The following GTF2IRD1 variants were observed in gnomAD, a reference collection of about 807,000 sequenced individuals.
GTF2IRD1 encodes GTF2I repeat domain containing 1, also known as general transcription factor II-I repeat domain-containing protein 1.
A neutral mutation model predicts 113.2 loss-of-function variants in GTF2IRD1; 26 were observed. The observed-to-expected ratio is 0.23, with a 90% CI of 0.17 to 0.32. The LOEUF (loss-of-function observed/expected upper bound fraction) is 0.32, where lower values mean the gene tolerates loss of function less well. Among genes scored for constraint, GTF2IRD1 ranks in the 10% least tolerant of loss-of-function variants. The probability of loss-of-function intolerance (pLI) is 1.00; values close to 1 mark genes in which losing one functional copy is unlikely to be tolerated. For missense variants in GTF2IRD1, 864 were observed against 1,280.8 expected, an observed-to-expected ratio of 0.67 and a Z score of 4.97; for synonymous variants, 484 against 529.1, an observed-to-expected ratio of 0.91 and a Z score of 1.17.
chr7:74,556,308 C>T (rs1355552428), intron 19 of GTF2IRD1, among the ~76,000 whole-genome samples: 3 of 151,754 alleles, frequency 2.0e-5, no homozygotes, highest in Non-Finnish European at 2.9e-5. Flanking sequence ...CCCTCCAGCA[C>T]ATGCTGGCAC....
Position 74,590,885 on chromosome 7 carries a change from C to T in GTF2IRD1, c.2459C>T (p.Pro820Leu). 6.2e-7 allele frequency: 1 copy of T among 1,613,768 alleles called. No homozygotes were observed. Among genetic ancestry groups the T allele is most frequent in the Non-Finnish European group, 8.5e-7 (1 of 1,179,870 alleles). Residue 820 changes from proline (P) to leucine (L), a missense_variant, in exon 24 of 27, where the codon CCA becomes CTA. Pro to Leu is a moderately conservative substitution (Grantham distance 98). This residue lies in a region of GTF2IRD1 where 195 missense variants were observed against 359.1 expected (regional missense o/e 0.54). Transcript: ENST00000424337. Reference protein sequence around the residue: ...LVPYKLIRDSPDAVEVTGLPD... With the variant: ...LVPYKLIRDSLDAVEVTGLPD... ...CCTTATAAACTAATCCGGGACAGCCCAGACGCCGTGGAGGTCACGGGTCTG... is the reference window on the plus strand; with the variant it reads ...CCTTATAAACTAATCCGGGACAGCCTAGACGCCGTGGAGGTCACGGGTCTG...
intron 2 of GTF2IRD1, among the ~76,000 whole-genome samples, chr7:74,508,838 T>G (rs1796452952): frequency 6.6e-6 from 1 of 152,084 alleles, no homozygotes; most frequent in South Asian, 2.1e-4. Context: ...GGGGATAATG[T>G]GTGGGGAGCC....
rs1260344319 is a variant in GTF2IRD1 at position 74,530,069 on chromosome 7, G to T, written c.1274+152G>T. The T allele has an allele frequency of 1.1e-5, 6 of 561,440 alleles. No homozygotes were observed. In the East Asian group the frequency reaches 1.9e-4, roughly 18 times the overall value. The allele number at this position is 561,440 out of a possible 1,614,324, so 34.8% of individuals were successfully genotyped here. ...TATTAACAATACAAAAATTAGCCAGGTGTGGTGGTGGGTGCCTGTAATCCC... is the reference window on the plus strand; with the variant it reads ...TATTAACAATACAAAAATTAGCCAGTTGTGGTGGTGGGTGCCTGTAATCCC... On this transcript the variant is annotated intron_variant, in intron 9 of 26. Transcript: ENST00000424337.
chr7:74,570,071 G>A (rs183156080), intron 22 of GTF2IRD1, among the ~76,000 whole-genome samples: 44 of 152,220 alleles, frequency 2.9e-4, no homozygotes, highest in African/African-American at 9.9e-4. Context: ...AACCTCAGAA[G>A]CAACAGCAGG....
chr7:74,560,529 TAAAATATTATATATAATTA>T (rs1307026388), intron 22 of GTF2IRD1, among the ~76,000 whole-genome samples: 1 of 146,762 alleles, frequency 6.8e-6, no homozygotes, highest in Non-Finnish European at 1.5e-5. Flanking sequence ...TTTATATAAT[TAAAATATTATATATAATTA>T]AAAATATTAT....
chr7:74,500,372 C>G (rs797025095), intron 1 of GTF2IRD1, among the ~76,000 whole-genome samples: 1 of 149,720 alleles, frequency 6.7e-6, no homozygotes, highest in South Asian at 2.1e-4. Flanking sequence ...CGCTTGGGCT[C>G]GGGAGTTTGA....
At chr7:74,518,353 T>C (rs61438591) in intron 5 of GTF2IRD1, 31 bp downstream of exon 5, 304,430 of 1,533,208 alleles carry the variant, frequency 0.2, 32,572 homozygotes, top group African/African-American at 0.4. Flanking sequence ...GGGGCTGGGC[T>C]GGGGCTGGGC....
rs1180815629 is a variant in GTF2IRD1, at chr7:74,555,992, G to A, written c.2023+498G>A. ...AGGCCGAGTGCAGTGGCTCACGCCT[G>A]TAATCCCAGCACTTTGGGCGGCCGA... On this transcript the variant is annotated intron_variant, in intron 19 of 26. Coordinates refer to ENST00000424337, the MANE Select transcript of GTF2IRD1 (RefSeq NM_005685.4). The surrounding 1 kb of genome is among the most constrained non-coding windows in gnomAD (Gnocchi z 5.3). 1.1e-4 allele frequency among the ~76,000 whole-genome samples: 17 copies of A among 152,116 alleles called. No individual in the cohort carries two copies. Among genetic ancestry groups the A allele is most frequent in the African/African-American group, 3.9e-4 (16 of 41,454 alleles).
At chr7:74,587,997 C>T (rs1363165436) in intron 22 of GTF2IRD1, among the ~76,000 whole-genome samples, 1 of 152,062 alleles carries the variant, frequency 6.6e-6, no homozygotes, top group Non-Finnish European at 1.5e-5. Flanking sequence ...ACAGTGACAC[C>T]GGCCCCTGTG....
At chr7:74,557,790 A>G (rs1439513723) in intron 20 of GTF2IRD1, 68 bp downstream of exon 20, 9 of 969,684 alleles carry the variant, frequency 9.3e-6, no homozygotes, top group Non-Finnish European at 1.5e-5. Flanking sequence ...GAGGCTTCCC[A>G]GTTCCAGCCG....
At chr7:74,602,333 T>A (rs1156504150) in intron 26 of GTF2IRD1, 32 bp from the exon 27 acceptor site, 9 of 1,608,450 alleles carry the variant, frequency 5.6e-6, no homozygotes, top group East Asian at 4.5e-5. Flanking sequence ...TCACCTGGAG[T>A]CCTAATCCAG....
At chr7:74,485,386 G>T (rs529553724) in intron 1 of GTF2IRD1, among the ~76,000 whole-genome samples, 1 of 152,302 alleles carries the variant, frequency 6.6e-6, no homozygotes, top group East Asian at 1.9e-4. Flanking sequence ...GAGAGGCCGA[G>T]GCGGGCGGAT....
At position 74,555,123 on chromosome 7, in the gene GTF2IRD1, C is replaced by T; in HGVS notation, c.1917-51C>T. On this transcript the variant is annotated intron_variant, in intron 17 of 26. Coordinates refer to ENST00000424337, the MANE Select transcript of GTF2IRD1 (RefSeq NM_005685.4). This position sits in a 1 kb window ranked among gnomAD's most constrained non-coding sequence, Gnocchi z 5.3. ...GGCCCAGAGAGGAGGGCTGAGCAGTCCCAGAGATGCTTGGAGGGACCTCTG... is the reference window on the plus strand; with the variant it reads ...GGCCCAGAGAGGAGGGCTGAGCAGTTCCAGAGATGCTTGGAGGGACCTCTG... The T allele has an allele frequency of 6.4e-7, 1 of 1,569,840 alleles. No homozygotes were observed. The highest frequency in any genetic ancestry group is 8.7e-7 in the Non-Finnish European group (1 of 1,144,382).
rs782580940 is a variant in GTF2IRD1 at position 74,538,124 on chromosome 7, T to C, written c.1410-12T>C. 3 of 1,611,572 alleles carry C rather than the reference T, an allele frequency of 1.9e-6. No individual in the cohort carries two copies. The highest frequency in any genetic ancestry group is 2.7e-5 in the African/African-American group (2 of 74,866). ...TTGGCTGACAGGTGTCATTTCCTGC[T>C]TCCCTTCACAGGTCAGACAAGGGCA... On this transcript the variant is annotated splice_polypyrimidine_tract_variant and intron_variant, in intron 11 of 26. Coordinates refer to ENST00000424337, the MANE Select transcript of GTF2IRD1 (RefSeq NM_005685.4).
intron 1 of GTF2IRD1, among the ~76,000 whole-genome samples, chr7:74,476,268 A>G (rs377126157): frequency 2.0e-5 from 3 of 150,906 alleles, no homozygotes; most frequent in Non-Finnish European, 4.4e-5. Flanking sequence ...TGTTATTTTT[A>G]TTACTAAATC....
At chr7:74,521,582 C>T (rs587722012) in intron 7 of GTF2IRD1, among the ~76,000 whole-genome samples, 34 of 151,968 alleles carry the variant, frequency 2.2e-4, no homozygotes, top group African/African-American at 7.7e-4. Context: ...GGCAATGTAG[C>T]GAAATGCTGT....
chr7:74,497,627 TAC>T (rs1400223637), intron 1 of GTF2IRD1, among the ~76,000 whole-genome samples: 2 of 152,160 alleles, frequency 1.3e-5, no homozygotes, highest in African/African-American at 4.8e-5. Flanking sequence ...TTTGCATCCC[TAC>T]CAGCAGCACA....
intron 22 of GTF2IRD1, among the ~76,000 whole-genome samples, chr7:74,579,632 A>G (rs1276811205): frequency 6.6e-6 from 1 of 152,100 alleles, no homozygotes; most frequent in East Asian, 1.9e-4. Context: ...AAAAAAAAAA[A>G]AAAACTACAG....
chr7:74,595,186 A>G, intron 25 of GTF2IRD1, 135 bp downstream of exon 25: 2 of 521,074 alleles, frequency 3.8e-6, no homozygotes, highest in Admixed American at 2.9e-5. Context: ...CAGGCAGATC[A>G]CTTGAGGTCA....
Sources: allele counts gnomAD v4.1 joint callset (sites outside exome capture counted in the v4.1 genomes callset), GRCh38; gene constraint gnomAD v4.1.1; regional missense constraint gnomAD v4.1.1; non-coding constraint Gnocchi (gnomAD v3.1); transcripts MANE v1.5; gene names NCBI Gene and HGNC (gene_info 2026-07-23, HGNC 2026-07-21).